FRAS1: variants seen among roughly 807,000 people sequenced by gnomAD.
The protein encoded by FRAS1 is extracellular matrix organizing protein FRAS1.
A neutral mutation model predicts 435.2 loss-of-function variants in FRAS1; 290 were observed. The ratio of observed to expected loss-of-function variants is 0.67; its 90% CI spans 0.61 to 0.73. FRAS1 has a LOEUF of 0.73. FRAS1 is among the 30% of genes least tolerant of loss of function. FRAS1 has a pLI of 0.00. For missense variants in FRAS1, 4,860 were observed against 5,001.5 expected, an observed-to-expected ratio of 0.97 and a Z score of 0.85; for synonymous variants, 1,800 against 1,851.0, an observed-to-expected ratio of 0.97 and a Z score of 0.71.
At chr4:78,422,085 C>T (rs1733812679) in intron 34 of FRAS1, 85 bp downstream of exon 34, 1 of 1,356,496 alleles carries the variant, frequency 7.4e-7, no homozygotes, top group African/African-American at 1.5e-5. Context: ...CCCTGCAGTC[C>T]TCTGGACCAT....
intron 2 of FRAS1, among the ~76,000 whole-genome samples, chr4:78,130,593 A>G (rs1343649093): frequency 6.6e-6 from 1 of 152,196 alleles, no homozygotes; most frequent in African/African-American, 2.4e-5. Flanking sequence ...TCAACTTAAT[A>G]TTCAATTATT....
At chr4:78,301,672 G>C (rs1302414777) in intron 14 of FRAS1, among the ~76,000 whole-genome samples, 1 of 152,194 alleles carries the variant, frequency 6.6e-6, no homozygotes, top group East Asian at 1.9e-4. Flanking sequence ...TCTGTGGTGT[G>C]TGTACAAAAG....
chr4:78,380,296 A>G (rs888695507), intron 27 of FRAS1, among the ~76,000 whole-genome samples: 3 of 152,086 alleles, frequency 2.0e-5, no homozygotes, highest in Non-Finnish European at 4.4e-5. Flanking sequence ...AAAACTGGTC[A>G]TATAACTAGA....
chr4:78,274,409 A>G lies in FRAS1; in HGVS notation c.982-4246A>G, dbSNP rs576280149. Among the ~76,000 whole-genome samples the G allele has an allele frequency of 7.2e-5, 11 of 152,110 alleles. No individual in the cohort carries two copies. The East Asian group carries it at 1.7e-3, about 24-fold the overall frequency. On this transcript the variant is annotated intron_variant, in intron 9 of 73. Coordinates refer to ENST00000512123, the MANE Select transcript of FRAS1 (RefSeq NM_025074.7). ...CTAGTTCCTTTCATTGTGATGTTAG[A>G]GTGTCAATTTTAGATCTTTCCTGCT...
chr4:78,141,994 A>T (rs1720208718), intron 2 of FRAS1, among the ~76,000 whole-genome samples: 1 of 152,042 alleles, frequency 6.6e-6, no homozygotes, highest in Non-Finnish European at 1.5e-5. Flanking sequence ...GAAGCATGGG[A>T]GGGGGATGAG....
chr4:78,068,055 A>T (rs1696391529), intron 2 of FRAS1, among the ~76,000 whole-genome samples: 1 of 152,052 alleles, frequency 6.6e-6, no homozygotes, highest in Admixed American at 6.6e-5. Context: ...GAGAGACAAT[A>T]TATTTATTAC....
intron 4 of FRAS1, among the ~76,000 whole-genome samples, chr4:78,250,232 A>G (rs1236231658): frequency 6.6e-6 from 1 of 152,110 alleles, no homozygotes; most frequent in East Asian, 1.9e-4. Context: ...TACTCTGAAA[A>G]CCACTGTTAA....
intron 2 of FRAS1, among the ~76,000 whole-genome samples, chr4:78,215,048 CAG>C (rs1723698347): frequency 6.6e-6 from 1 of 152,056 alleles, no homozygotes; most frequent in Non-Finnish European, 1.5e-5. Flanking sequence ...TGTCAAGATG[CAG>C]AGAGAAATGA....
chr4:78,279,283 A>G (rs1189114374), intron 10 of FRAS1, among the ~76,000 whole-genome samples: 2 of 152,210 alleles, frequency 1.3e-5, no homozygotes, highest in Non-Finnish European at 2.9e-5. Flanking sequence ...TGAGGGAGAA[A>G]GGCATTGGCC....
chr4:78,097,792 T>TCCTA (rs1741886145), intron 2 of FRAS1, among the ~76,000 whole-genome samples: 1 of 152,100 alleles, frequency 6.6e-6, no homozygotes, highest in African/African-American at 2.4e-5. Flanking sequence ...CCATACAAAG[T>TCCTA]CCTAACCTTA....
At chr4:78,292,397 A>G (rs1280058170) in intron 14 of FRAS1, among the ~76,000 whole-genome samples, 1 of 152,222 alleles carries the variant, frequency 6.6e-6, no homozygotes, top group Non-Finnish European at 1.5e-5. Context: ...AAAGTTTATA[A>G]TAAAAAAACC....
chr4:78,370,883 C>T (rs779845161), intron 23 of FRAS1, among the ~76,000 whole-genome samples: 7 of 152,136 alleles, frequency 4.6e-5, no homozygotes, highest in Non-Finnish European at 1.0e-4. Flanking sequence ...TTTCCTCATT[C>T]CTGACTCCTT....
intron 2 of FRAS1, among the ~76,000 whole-genome samples, chr4:78,156,553 G>A (rs141752208): frequency 6.6e-6 from 1 of 152,202 alleles, no homozygotes; most frequent in African/African-American, 2.4e-5. Context: ...GTCAATGGAG[G>A]TTATTTTAGT....
chr4:78,087,858 A>G (rs1463362746), intron 2 of FRAS1, among the ~76,000 whole-genome samples: 1 of 152,204 alleles, frequency 6.6e-6, no homozygotes, highest in Non-Finnish European at 1.5e-5. Flanking sequence ...GCCCAAGGTA[A>G]TTTATAGATT....
At chr4:78,185,431 A>T in intron 2 of FRAS1, among the ~76,000 whole-genome samples, 1 of 152,230 alleles carries the variant, frequency 6.6e-6, no homozygotes, top group East Asian at 1.9e-4. Flanking sequence ...CTTTTCAGAT[A>T]AAACTGCAGA....
chr4:78,275,783 A>G (rs1726982944), intron 9 of FRAS1, among the ~76,000 whole-genome samples: 2 of 152,074 alleles, frequency 1.3e-5, no homozygotes, highest in African/African-American at 2.4e-5. Context: ...GAATCTGACA[A>G]TTATGTGTCT....
Position 78,535,937 on chromosome 4 carries a change from GTAAATGTTTGGGATGAGCATTTGGAAT to G in FRAS1, c.11093-1055_11093-1029del, listed in dbSNP as rs537086618. On this transcript the variant is annotated intron_variant, in intron 71 of 73. Coordinates refer to ENST00000512123, the MANE Select transcript of FRAS1 (RefSeq NM_025074.7). ...ACACTGACTTACTTAGCACCACATA[GTAAATGTTTGGGATGAGCATTTGGAAT>G]TAGCCAGATTTGTGCTAATTCCAAA... Among the ~76,000 whole-genome samples, 46 of 152,264 alleles carry G rather than the reference GTAAATGTTTGGGATGAGCATTTGGAAT, an allele frequency of 3.0e-4. No homozygotes were observed. In the East Asian group the frequency reaches 8.5e-3, roughly 28 times the overall value.
At chr4:78,457,072 T>G (rs1226535908) in intron 47 of FRAS1, among the ~76,000 whole-genome samples, 2 of 152,146 alleles carry the variant, frequency 1.3e-5, no homozygotes, top group Non-Finnish European at 2.9e-5. Flanking sequence ...CACACCTTCC[T>G]CAAAGCCTAA....
intron 2 of FRAS1, among the ~76,000 whole-genome samples, chr4:78,128,404 TC>T (rs1238072959): frequency 6.6e-6 from 1 of 152,214 alleles, no homozygotes; most frequent in African/African-American, 2.4e-5. Context: ...CCACATCCTC[TC>T]CAGCACCTGT....
Sources: gnomAD v4.1 joint callset for allele counts (sites outside exome capture counted in the v4.1 genomes callset) on GRCh38, gnomAD v4.1.1 for gene constraint, MANE v1.5 for transcripts, NCBI Gene and HGNC (gene_info 2026-07-23, HGNC 2026-07-21) for gene names.